CIC: variants seen among roughly 807,000 people sequenced by gnomAD.
CIC encodes the protein capicua transcriptional repressor.
Under a neutral mutation model 115.7 loss-of-function variants are expected in CIC, and 18 were observed. That is an observed-to-expected ratio of 0.16 (90% CI 0.11 to 0.23). The LOEUF (loss-of-function observed/expected upper bound fraction) is 0.23, where lower values mean the gene tolerates loss of function less well. CIC is among the 10% of genes least tolerant of loss of function. The pLI is 1.00. For missense variants in CIC, 2,000 were observed against 2,159.3 expected (o/e 0.93, Z 1.46); for synonymous variants, 1,076 against 923.0 (o/e 1.17, Z -3.01).
chr19:42,284,111 G>GACGC (rs1317076552), intron 2 of CIC: 1 of 148,406 alleles, frequency 6.7e-6, no homozygotes, highest in East Asian at 2.0e-4. Context: ...GGAGCGCACG[G>GACGC]ACGCACGCAC....
In CIC at chr19:42,280,594, C is replaced by T. The variant is rs1009075776; in HGVS notation, c.2794+6017C>T. ...TCCTCGGGCTGGGTGGGGTACCCTC[C>T]CTCCCACCGCAGACAGCTCGGGTGC... On this transcript the variant is annotated intron_variant, in intron 2 of 20. Transcript: ENST00000681038. This position sits in a 1 kb window ranked among gnomAD's most constrained non-coding sequence, Gnocchi z 4.9. Among the ~76,000 whole-genome samples the T allele has an allele frequency of 6.6e-6, 1 of 152,192 alleles. No individual in the cohort carries two copies. Among genetic ancestry groups the T allele is most frequent in the African/African-American group, 2.4e-5 (1 of 41,458 alleles).
Position 42,291,210 on chromosome 19 carries a change from T to C in CIC, c.5169T>C (p.Gly1723=). ...GPVPLGILQP[G]ALGKAGGITQ... ...TACCCCTGGGCATCCTGCAACCAGG[T>C]GCCCTGGGCAAGGCTGGGGGAATCA... Residue 1723 remains glycine (G), a synonymous_variant, in exon 11 of 21, where the codon GGT becomes GGC. Coordinates refer to ENST00000681038, the MANE Select transcript of CIC (RefSeq NM_001386298.1). 6.2e-7 allele frequency: 1 copy of C among 1,610,632 alleles called. No homozygotes were observed. Among genetic ancestry groups the C allele is most frequent in the South Asian group, 1.1e-5 (1 of 90,796 alleles).
rs749384471 is a variant in CIC at position 42,293,136 on chromosome 19, C to T, written c.6377C>T (p.Thr2126Ile). 4.4e-6 allele frequency: 7 copies of T among 1,608,176 alleles called. No homozygotes were observed. Among genetic ancestry groups the T allele is most frequent in the Non-Finnish European group, 4.2e-6 (5 of 1,177,940 alleles). The stretch of plus-strand genomic sequence containing the variant: ...GAGCCTGGCCCAGTCCGAGAGCCAA[C>T]TGCCCCAGAGTCTGAGCTTGAGGGG... ...PLEPGPVREP[T>I]APESELEGQP... Residue 2126 changes from threonine to isoleucine, a missense_variant, in exon 16 of 21, where the codon ACT (threonine) becomes ATT (isoleucine). By Grantham distance (89) the Thr-to-Ile change is moderately conservative (BLOSUM62 -1). Transcript: ENST00000681038.
rs768744137 is a variant in CIC at position 42,287,035 on chromosome 19, G to A, written c.2974G>A (p.Glu992Lys). 1 of 1,611,428 alleles carries A rather than the reference G, an allele frequency of 6.2e-7. No individual in the cohort carries two copies. Among genetic ancestry groups the A allele is most frequent in the Non-Finnish European group, 8.5e-7 (1 of 1,179,982 alleles). ...TGCTGAGTCGGCAGCTGTTGCTCAT[G>A]AACGGCCACCAGGTGGGACAGGGAG... is the stretch of plus-strand genomic sequence containing the variant. ...EPAESAAVAH[E>K]RPPGGTGSAD... Residue 992 changes from glutamate to lysine, a missense_variant, in exon 4 of 21, where the codon GAA becomes AAA. Around this residue, in one of 8 missense-constraint regions of CIC, gnomAD observed 222 missense variants for 247.7 expected, o/e 0.90. Transcript: ENST00000681038. This position sits in a 1 kb window ranked among gnomAD's most constrained non-coding sequence, Gnocchi z 8.7.
Position 42,290,715 on chromosome 19 carries a change from C to A in CIC, c.4674C>A (p.Ser1558=). The A allele has an allele frequency of 6.2e-7, 1 of 1,612,492 alleles. No homozygotes were observed. The highest frequency in any genetic ancestry group is 8.5e-7 in the Non-Finnish European group (1 of 1,179,738). ...EQEGGGARVP[S]APAPSLAYGA... is the part of the protein sequence containing the mutation. Reference sequence around the variant, plus strand: ...AGGGCGGCGGAGCCAGAGTGCCCTCCGCCCCCGCCCCATCACTGGCCTATG... The same window carrying A: ...AGGGCGGCGGAGCCAGAGTGCCCTCAGCCCCCGCCCCATCACTGGCCTATG... Residue 1558 remains serine, a synonymous_variant, in exon 11 of 21, where the codon TCC becomes TCA. Transcript: ENST00000681038.
Position 42,272,971 on chromosome 19 carries a change from C to T in CIC, c.1188C>T (p.His396=), listed in dbSNP as rs1040005053. The change falls in exon 2 of 21, where the codon CAC becomes CAT. Residue 396 remains histidine, a synonymous_variant. Coordinates refer to ENST00000681038, the MANE Select transcript of CIC (RefSeq NM_001386298.1). ...GCTTTGGTGGCAACCTGGGTACTCA[C>T]TGTGAGGAGGGCGAGGAGAAGCACC... is the stretch of plus-strand genomic sequence containing the variant. ...KISFGGNLGT[H]CEEGEEKHPP... 25 of 398,924 alleles carry T rather than the reference C, an allele frequency of 6.3e-5. No individual in the cohort carries two copies. Among genetic ancestry groups the T allele is most frequent in the Non-Finnish European group, 8.0e-5 (18 of 226,306 alleles). 24.7% of individuals were successfully genotyped at this position (398,924 alleles called of 1,614,324 possible).
At chr19:42,284,611 C>A in intron 2 of CIC, 1 of 821,366 alleles carries the variant, frequency 1.2e-6, no homozygotes, top group Non-Finnish European at 1.8e-6. Context: ...CCCCCCGGGC[C>A]CAAGCGGCGA....
chr19:42,289,515 T>G, intron 9 of CIC, 109 bp downstream of exon 9: 1 of 1,282,288 alleles, frequency 7.8e-7, no homozygotes, highest in Admixed American at 2.0e-5. Flanking sequence ...TCTTTTCCAC[T>G]TGGTTTATGG....
At position 42,287,966 on chromosome 19, in the gene CIC, G is replaced by T. The variant is rs2037773700; in HGVS notation, c.3649G>T (p.Ala1217Ser). The change falls in exon 7 of 21, where the codon GCC (alanine) becomes TCC (serine). Residue 1217 changes from alanine to serine, a missense_variant. Transcript: ENST00000681038. This position sits in a 1 kb window ranked among gnomAD's most constrained non-coding sequence, Gnocchi z 8.7. ...CATGTCGGAGACGGGCACTGCTGCT[G>T]CCCCTGGGGGTTAGTCAGCCCCTTG... is the stretch of plus-strand genomic sequence containing the variant. ...RSMSETGTAA[A>S]PGVSSELLSV... 5 of 1,592,556 alleles carry T rather than the reference G, an allele frequency of 3.1e-6. No homozygotes were observed. Among genetic ancestry groups the T allele is most frequent in the Non-Finnish European group, 4.3e-6 (5 of 1,170,198 alleles).
In CIC at chr19:42,287,516, T is replaced by G; in HGVS notation, c.3310-29T>G. 1 of 1,612,634 alleles carries G rather than the reference T, an allele frequency of 6.2e-7. No individual in the cohort carries two copies. The highest frequency in any genetic ancestry group is 8.5e-7 in the Non-Finnish European group (1 of 1,180,024). On this transcript the variant is annotated intron_variant, in intron 5 of 20. Transcript: ENST00000681038. The surrounding 1 kb of genome is among the most constrained non-coding windows in gnomAD (Gnocchi z 8.7). ...CCACACCTGTCTGCCAGGTCCTAAC[T>G]GTCCCGCTCTGGGCTGTGTTTAATG...
rs954776917 is a variant in CIC at position 42,273,277 on chromosome 19, C to T, written c.1494C>T (p.Asn498=). ...CTPSGIRKKF[N]GKQWRRLCSR... is the part of the protein sequence containing the mutation. ...CCAGCGGAATACGAAAGAAGTTCAA[C>T]GGCAAGCAGTGGCGCCGGCTGTGCT... Residue 498 remains asparagine, a synonymous_variant, in exon 2 of 21, where the codon AAC becomes AAT. Coordinates refer to ENST00000681038, the MANE Select transcript of CIC (RefSeq NM_001386298.1). The T allele has an allele frequency of 2.3e-5, 9 of 398,496 alleles. No homozygotes were observed. Among genetic ancestry groups the T allele is most frequent in the African/African-American group, 8.2e-5 (4 of 48,632 alleles). The allele number at this position is 398,496 out of a possible 1,614,324, so 24.7% of individuals were successfully genotyped here. A position where few individuals can be genotyped will look rare whatever the true frequency, so the allele number is the denominator to read the frequency against.
intron 2 of CIC, among the ~76,000 whole-genome samples, chr19:42,279,314 G>A (rs2037116242): frequency 6.6e-6 from 1 of 152,196 alleles, no homozygotes; most frequent in Non-Finnish European, 1.5e-5. Flanking sequence ...GCAGTCCTGG[G>A]GCAGGTGGGT....
Position 42,295,010 on chromosome 19 carries a change from C to G in CIC, c.7373C>G (p.Pro2458Arg). ...PPTGTAAAPAPTPSPAGGPDP... is the reference protein window; with the variant it reads ...PPTGTAAAPARTPSPAGGPDP... ...ACTGGCACCGCTGCTGCCCCTGCCCCCACTCCCAGCCCCGCAGGGGGCCCT... is the reference window on the plus strand; with the variant it reads ...ACTGGCACCGCTGCTGCCCCTGCCCGCACTCCCAGCCCCGCAGGGGGCCCT... Residue 2458 changes from proline to arginine, a missense_variant, in exon 21 of 21, where the codon CCC becomes CGC. Around this residue, in one of 8 missense-constraint regions of CIC, gnomAD observed 133 missense variants for 116.0 expected, o/e 1.15. Transcript: ENST00000681038. 6.3e-7 allele frequency: 1 copy of G among 1,593,026 alleles called. No individual in the cohort carries two copies. Among genetic ancestry groups the G allele is most frequent in the Non-Finnish European group, 8.5e-7 (1 of 1,176,298 alleles).
chr19:42,291,896 C>T (rs996674125), intron 12 of CIC, 151 bp downstream of exon 12: 6 of 1,293,626 alleles, frequency 4.6e-6, no homozygotes, highest in South Asian at 3.6e-5. Context: ...CTGACTCTCT[C>T]AAGTCCTCAG....
chr19:42,287,231 A>G lies in CIC; in HGVS notation c.3170A>G (p.His1057Arg). 1.9e-6 allele frequency: 3 copies of G among 1,613,944 alleles called. No homozygotes were observed. The highest frequency in any genetic ancestry group is 1.3e-5 in the African/African-American group (1 of 75,026). Residue 1057 changes from histidine to arginine, a missense_variant, in exon 4 of 21, where the codon CAT (histidine) becomes CGT (arginine). This residue lies in a region of CIC where 222 missense variants were observed against 247.7 expected (regional missense o/e 0.90). Coordinates refer to ENST00000681038, the MANE Select transcript of CIC (RefSeq NM_001386298.1). The surrounding 1 kb of genome is among the most constrained non-coding windows in gnomAD (Gnocchi z 8.7). ...PRLDSETESDHDDAFLSIMSP... is the reference protein window; with the variant it reads ...PRLDSETESDRDDAFLSIMSP... ...CTGGACAGTGAGACAGAGAGTGACCATGATGATGCGTGAGTTCCCTGAGGC... is the reference window on the plus strand; with the variant it reads ...CTGGACAGTGAGACAGAGAGTGACCGTGATGATGCGTGAGTTCCCTGAGGC...
chr19:42,288,082 T>C, intron 7 of CIC, 107 bp downstream of exon 7: 1 of 1,336,240 alleles, frequency 7.5e-7, no homozygotes, highest in Middle Eastern at 2.4e-4. Context: ...CTCTGCTCTA[T>C]CGCTTTAATT....
Position 42,295,143 on chromosome 19 carries a change from G to GGGGGGGGCCCCCC in CIC, c.7506_7507insGGGGGGGCCCCCC (p.Pro2503GlyfsTer24). The GGGGGGGGCCCCCC allele has an allele frequency of 7.2e-7, 1 of 1,382,732 alleles. No individual in the cohort carries two copies. The highest frequency in any genetic ancestry group is 9.6e-7 in the Non-Finnish European group (1 of 1,037,820). 85.7% of individuals were successfully genotyped at this position (1,382,732 alleles called of 1,614,324 possible). Reference sequence around the variant, plus strand: ...AGCCTGGCTGGGAGGGGGCTCCCCAGCCCTCCCCCCCACCCCCAGGTCCCT... The same window carrying GGGGGGGGCCCCCC: ...AGCCTGGCTGGGAGGGGGCTCCCCAGGGGGGGGCCCCCCCCCTCCCCCCCACCCCCAGGTCCCT... On this transcript the variant is annotated frameshift_variant, in exon 21 of 21. Coordinates refer to ENST00000681038, the MANE Select transcript of CIC (RefSeq NM_001386298.1). LOFTEE classifies it high-confidence loss of function.
chr19:42,291,573 C>T lies in CIC; in HGVS notation c.5441C>T (p.Pro1814Leu). Residue 1814 changes from proline (P) to leucine (L), a missense_variant, in exon 12 of 21, where the codon CCC becomes CTC. By Grantham distance (98) the Pro-to-Leu change is moderately conservative. This residue lies in a region of CIC where 1,466 missense variants were observed against 1,390.4 expected (regional missense o/e 1.05). Coordinates refer to ENST00000681038, the MANE Select transcript of CIC (RefSeq NM_001386298.1). ...APPPKAQSVS[P>L]VQAPPPGGSA... ...TAACTTCCAGCCCAGTCAGTTTCTC[C>T]CGTGCAGGCCCCGCCCCCGGGTGGC... 6.2e-7 allele frequency: 1 copy of T among 1,613,074 alleles called. No homozygotes were observed. The highest frequency in any genetic ancestry group is 8.5e-7 in the Non-Finnish European group (1 of 1,179,992).
chr19:42,291,529 C>T (rs1425791727), intron 11 of CIC, 29 bp from the exon 12 acceptor site: 3 of 1,613,000 alleles, frequency 1.9e-6, no homozygotes, highest in South Asian at 1.1e-5. Flanking sequence ...CCCTTGTAAC[C>T]TTTTCCTTTC....
Sources: gnomAD v4.1 joint callset for allele counts (sites outside exome capture counted in the v4.1 genomes callset) on GRCh38, gnomAD v4.1.1 for gene constraint, gnomAD v4.1.1 regional missense constraint, Gnocchi (gnomAD v3.1) non-coding constraint, MANE v1.5 for transcripts, NCBI Gene and HGNC (gene_info 2026-07-23, HGNC 2026-07-21) for gene names.